The following NCKAP5 variants were observed in gnomAD, a reference collection of about 807,000 sequenced individuals.
NCKAP5 encodes nck-associated protein 5.
A neutral mutation model predicts 167.0 loss-of-function variants in NCKAP5; 92 were observed. That is an observed-to-expected ratio of 0.55 (90% CI 0.47 to 0.66). The LOEUF is 0.66. Among genes scored for constraint, NCKAP5 ranks in the 30% least tolerant of loss-of-function variants. The pLI, the probability that NCKAP5 is intolerant of heterozygous loss-of-function variation, is 0.00. For missense variants in NCKAP5, 2,378 were observed against 2,315.0 expected (o/e 1.03, Z -0.56); for synonymous variants, 891 against 877.4 (o/e 1.02, Z -0.27).
chr2:133,415,036 A>G lies in NCKAP5; in HGVS notation c.69+102422T>C, dbSNP rs550485763. Among the ~76,000 whole-genome samples, 31 of 152,316 alleles carry G rather than the reference A, an allele frequency of 2.0e-4. No homozygotes were observed. In the South Asian group the frequency reaches 5.8e-3, roughly 29 times the overall value. ...CTCACTCTATGCTTAGCTGTTTTAC[A>G]AATTGGTAAATACACAGGCCAAGCG... On this transcript the variant is annotated intron_variant, in intron 3 of 19. Transcript: ENST00000409261.
chr2:133,088,018 C>T (rs1351543896), intron 6 of NCKAP5, among the ~76,000 whole-genome samples: 1 of 152,132 alleles, frequency 6.6e-6, no homozygotes, highest in Non-Finnish European at 1.5e-5. Context: ...TTTACCAGGG[C>T]TGTATTTTCC....
intron 5 of NCKAP5, among the ~76,000 whole-genome samples, chr2:133,208,321 G>C (rs371790692): frequency 1.6e-4 from 24 of 152,194 alleles, no homozygotes; most frequent in African/African-American, 5.5e-4. Context: ...CTGGGCAACA[G>C]AGCGAGACCC....
chr2:133,558,647 C>T lies in NCKAP5; in HGVS notation c.-62+403G>A, dbSNP rs186971370. On this transcript the variant is annotated intron_variant, in intron 2 of 19. Coordinates refer to ENST00000409261, the MANE Select transcript of NCKAP5 (RefSeq NM_207363.3). ...CACAGGATTTGACAATTTTGCCAAA[C>T]GAAATGCAGAGATGATAAAGCCAGG... Among the ~76,000 whole-genome samples the T allele has an allele frequency of 3.3e-3, 411 of 125,438 alleles. 2 individuals carry two copies. The highest frequency in any genetic ancestry group is 4.6e-3 in the South Asian group (18 of 3,954). 82.3% of individuals were successfully genotyped at this position (125,438 alleles called of 152,430 possible). A position where few individuals can be genotyped will look rare whatever the true frequency, so the allele number is the denominator to read the frequency against.
intron 8 of NCKAP5, among the ~76,000 whole-genome samples, chr2:132,885,186 C>CTT (rs1692115972): frequency 6.8e-6 from 1 of 147,764 alleles, no homozygotes; most frequent in South Asian, 2.2e-4. Context: ...CTGCTACCAA[C>CTT]TTAAGGCAAC....
chr2:133,273,030 G>T (rs1559340843), intron 4 of NCKAP5, among the ~76,000 whole-genome samples: 1 of 151,998 alleles, frequency 6.6e-6, no homozygotes, highest in Non-Finnish European at 1.5e-5. Flanking sequence ...ACAAGTTTTT[G>T]TGTGGGCATA....
chr2:133,448,461 GAA>G (rs1014926395), intron 3 of NCKAP5, among the ~76,000 whole-genome samples: 8 of 152,260 alleles, frequency 5.3e-5, no homozygotes, highest in Admixed American at 5.2e-4. Context: ...CAGTCAAGAG[GAA>G]AGACTTACTA....
chr2:133,114,598 G>A (rs1042604198), intron 6 of NCKAP5, among the ~76,000 whole-genome samples: 3 of 152,042 alleles, frequency 2.0e-5, no homozygotes, highest in African/African-American at 7.2e-5. Flanking sequence ...CTTTTTTGCA[G>A]TATTTTCAAA....
At chr2:133,047,501 G>A (rs2079443234) in intron 6 of NCKAP5, among the ~76,000 whole-genome samples, 2 of 152,180 alleles carry the variant, frequency 1.3e-5, no homozygotes. Flanking sequence ...TTGTTCCTCT[G>A]GCTAACTGAA....
At chr2:133,164,348 G>A (rs887022006) in intron 5 of NCKAP5, among the ~76,000 whole-genome samples, 2 of 152,100 alleles carry the variant, frequency 1.3e-5, no homozygotes, top group African/African-American at 4.8e-5. Context: ...AGGTAAAAAC[G>A]AGCTCTGGAG....
chr2:133,331,176 A>T (rs1682830772), intron 3 of NCKAP5, among the ~76,000 whole-genome samples: 1 of 152,190 alleles, frequency 6.6e-6, no homozygotes, highest in Non-Finnish European at 1.5e-5. Context: ...TGCTGTGCTG[A>T]TTAAGACTTT....
intron 3 of NCKAP5, among the ~76,000 whole-genome samples, chr2:133,412,295 C>G (rs1262071393): frequency 6.6e-6 from 1 of 152,182 alleles, no homozygotes; most frequent in Non-Finnish European, 1.5e-5. Flanking sequence ...AGGTCCTTAC[C>G]AGAACCTGAC....
At chr2:133,303,592 A>G (rs1680561052) in intron 3 of NCKAP5, among the ~76,000 whole-genome samples, 1 of 152,126 alleles carries the variant, frequency 6.6e-6, no homozygotes, top group Admixed American at 6.6e-5. Flanking sequence ...ACTAATGGAC[A>G]TGTCCATTTT....
intron 2 of NCKAP5, among the ~76,000 whole-genome samples, chr2:133,539,592 A>C (rs1686056706): frequency 6.6e-6 from 1 of 152,174 alleles, no homozygotes; most frequent in Admixed American, 6.5e-5. Flanking sequence ...ACAAAAACAA[A>C]TGTATAGGAA....
At chr2:133,597,673 C>CAAAAAA in the NCKAP5 span, among the ~76,000 whole-genome samples, 16 of 61,104 alleles carry the variant, frequency 2.6e-4, no homozygotes, top group Admixed American at 6.4e-4. Context: ...GACTCTGTCT[C>CAAAAAA]AAAAAAAAAA....
intron 5 of NCKAP5, among the ~76,000 whole-genome samples, chr2:133,192,626 A>T (rs1238523846): frequency 6.6e-6 from 1 of 152,096 alleles, no homozygotes; most frequent in Non-Finnish European, 1.5e-5. Context: ...TTATACACAA[A>T]TGACAAATAA....
At chr2:133,361,793 T>C (rs1343450359) in intron 3 of NCKAP5, among the ~76,000 whole-genome samples, 3 of 152,180 alleles carry the variant, frequency 2.0e-5, no homozygotes, top group African/African-American at 7.2e-5. Flanking sequence ...CATTAACAAA[T>C]ATGCAAATTG....
intron 2 of NCKAP5, among the ~76,000 whole-genome samples, chr2:133,525,253 G>A (rs1684777501): frequency 6.6e-6 from 1 of 152,144 alleles, no homozygotes; most frequent in African/African-American, 2.4e-5. Flanking sequence ...TCTTTCAAGT[G>A]GAGGAAAATT....
Position 132,994,072 on chromosome 2 carries a change from G to T in NCKAP5, c.429+80C>A, listed in dbSNP as rs1003019836. The stretch of plus-strand genomic sequence containing the variant: ...GGAACACACCTTTTATTTATCTCTG[G>T]GTTAGAGAGGACAAACCTAGAGAAA... On this transcript the variant is annotated intron_variant, in intron 7 of 19. Coordinates refer to ENST00000409261, the MANE Select transcript of NCKAP5 (RefSeq NM_207363.3). 6 of 1,025,704 alleles carry T rather than the reference G, an allele frequency of 5.8e-6. No homozygotes were observed. The East Asian group carries it at 1.3e-4, about 23-fold the overall frequency. 63.5% of individuals were successfully genotyped at this position (1,025,704 alleles called of 1,614,324 possible).
chr2:132,821,868 C>T (rs1432273450), intron 11 of NCKAP5, among the ~76,000 whole-genome samples: 1 of 152,204 alleles, frequency 6.6e-6, no homozygotes, highest in East Asian at 1.9e-4. Context: ...TGGCAAGCTC[C>T]ACCCAAGGAG....
Sources: gnomAD v4.1 joint callset for allele counts (sites outside exome capture counted in the v4.1 genomes callset) on GRCh38, gnomAD v4.1.1 for gene constraint, MANE v1.5 for transcripts, NCBI Gene and HGNC (gene_info 2026-07-23, HGNC 2026-07-21) for gene names.